PRELID2: variants seen among roughly 807,000 people sequenced by gnomAD.
PRELID2 encodes PRELI domain-containing protein 2.
Under a neutral mutation model 28.4 loss-of-function variants are expected in PRELID2, and 25 were observed. That is an observed-to-expected ratio of 0.88 (90% CI 0.64 to 1.23). The LOEUF (loss-of-function observed/expected upper bound fraction) is 1.23. Ranked by LOEUF, PRELID2 falls within the 50% of genes most tolerant of loss-of-function variation. The pLI is 0.00. For synonymous variants in PRELID2, 76 were observed against 71.6 expected, an observed-to-expected ratio of 1.06 and a Z score of -0.31; for missense variants, 201 against 214.4, an observed-to-expected ratio of 0.94 and a Z score of 0.39.
At chr5:145,239,633 C>A in the PRELID2 span, among the ~76,000 whole-genome samples, 1 of 151,968 alleles carries the variant, frequency 6.6e-6, no homozygotes, top group East Asian at 1.9e-4. Flanking sequence ...CAAATATACA[C>A]CATGAAAAAT....
chr5:145,640,014 A>G (rs966021293), intron 1 of PRELID2, among the ~76,000 whole-genome samples: 4 of 152,026 alleles, frequency 2.6e-5, no homozygotes, highest in South Asian at 2.1e-4. Context: ...AGGTCTGTAT[A>G]TTGGCATTTG....
chr5:145,561,765 T>C (rs927237224), intron 1 of PRELID2, among the ~76,000 whole-genome samples: 2 of 152,186 alleles, frequency 1.3e-5, no homozygotes, highest in Admixed American at 1.3e-4. Context: ...TATAATAAGA[T>C]TTAAATTCAA....
At chr5:145,713,621 A>AG (rs1755762978) in intron 1 of PRELID2, among the ~76,000 whole-genome samples, 3 of 142,668 alleles carry the variant, frequency 2.1e-5, no homozygotes, top group South Asian at 2.2e-4. Context: ...TATATAGTAA[A>AG]TATATAATAT....
intron 4 of PRELID2, among the ~76,000 whole-genome samples, chr5:145,805,145 G>C (rs1753410759): frequency 1.3e-5 from 2 of 152,166 alleles, no homozygotes; most frequent in African/African-American, 4.8e-5. Context: ...TGTTTCCTAA[G>C]AGCAGAAAAT....
At chr5:145,806,028 G>A (rs974872380) in intron 4 of PRELID2, among the ~76,000 whole-genome samples, 1 of 152,214 alleles carries the variant, frequency 6.6e-6, no homozygotes, top group African/African-American at 2.4e-5. Flanking sequence ...CAGTGAGTGA[G>A]TGGTGAGTCA....
intron 1 of PRELID2, chr5:145,728,544 T>G: frequency 1.3e-6 from 1 of 788,820 alleles, no homozygotes; most frequent in Non-Finnish European, 2.2e-6. Flanking sequence ...CACATCAGCA[T>G]CATCCTCAAT....
At chr5:145,633,754 C>T (rs991295294) in intron 1 of PRELID2, among the ~76,000 whole-genome samples, 12 of 152,188 alleles carry the variant, frequency 7.9e-5, no homozygotes, top group South Asian at 2.1e-4. Flanking sequence ...GCTGGCTTTA[C>T]GTCTCATTAG....
chr5:145,796,481 T>C lies in PRELID2; in HGVS notation c.435A>G (p.Glu145=), dbSNP rs781142018. The change falls in exon 5 of 7, where the codon GAA becomes GAG. Residue 145 remains glutamate (E), a synonymous_variant. Coordinates refer to ENST00000683046, the MANE Select transcript of PRELID2 (RefSeq NM_205846.3). The part of the protein sequence containing the change: ...TGVGFLNCVL[E]TFASTFLRQG... ...GTCGTAAGAATGTGCTGGCAAAAGT[T>C]TCTAAAACACAGTTGAGAAATCCAA... The C allele has an allele frequency of 2.5e-6, 4 of 1,610,836 alleles. No homozygotes were observed. In the African/African-American group the frequency reaches 5.3e-5, roughly 22 times the overall value.
At chr5:145,385,017 T>C in the PRELID2 span, among the ~76,000 whole-genome samples, 1 of 152,154 alleles carries the variant, frequency 6.6e-6, no homozygotes. Flanking sequence ...TAGTTTCTGA[T>C]GACTGGAAGG....
chr5:145,321,209 T>C, the PRELID2 span, among the ~76,000 whole-genome samples: 2 of 152,196 alleles, frequency 1.3e-5, no homozygotes, highest in Admixed American at 6.5e-5. Context: ...ATGATTATTA[T>C]AAAATTTAAG....
At chr5:145,406,671 G>A in the PRELID2 span, among the ~76,000 whole-genome samples, 4 of 152,252 alleles carry the variant, frequency 2.6e-5, no homozygotes, top group Admixed American at 2.6e-4. Context: ...AACATACCAG[G>A]AAAACCAAAA....
chr5:145,401,404 A>G, the PRELID2 span, among the ~76,000 whole-genome samples: 1 of 152,158 alleles, frequency 6.6e-6, no homozygotes, highest in African/African-American at 2.4e-5. Flanking sequence ...GTATTTTCAT[A>G]GAATCATCTA....
chr5:145,420,928 A>C, the PRELID2 span, among the ~76,000 whole-genome samples: 1 of 112,566 alleles, frequency 8.9e-6, no homozygotes, highest in African/African-American at 3.5e-5. Flanking sequence ...ATTTATTGAG[A>C]GTTTTTAGCA....
At chr5:145,774,241 C>A (rs751130979) in intron 5 of PRELID2, among the ~76,000 whole-genome samples, 2 of 152,140 alleles carry the variant, frequency 1.3e-5, no homozygotes, top group African/African-American at 2.4e-5. Flanking sequence ...AACTCAGCCT[C>A]GGAGAGGTAA....
chr5:145,625,352 A>G (rs779826697), intron 1 of PRELID2, among the ~76,000 whole-genome samples: 4 of 152,142 alleles, frequency 2.6e-5, no homozygotes, highest in Non-Finnish European at 5.9e-5. Context: ...TATTTACTAC[A>G]TATTTATATA....
At chr5:145,742,139 T>TA (rs574511696) in intron 1 of PRELID2, among the ~76,000 whole-genome samples, 3 of 5,644 alleles carry the variant, frequency 5.3e-4, no homozygotes, top group East Asian at 0.013. Flanking sequence ...TATAAATAAA[T>TA]AAATTTATTT....
chr5:145,338,495 T>G, the PRELID2 span: 3 of 152,140 alleles, frequency 2.0e-5, no homozygotes, highest in Non-Finnish European at 4.4e-5. Context: ...CTCCTGTGAC[T>G]CATTTCTGAC....
chr5:145,372,940 AATAT>A, the PRELID2 span, among the ~76,000 whole-genome samples: 3 of 59,404 alleles, frequency 5.1e-5, no homozygotes, highest in South Asian at 8.2e-4. Flanking sequence ...CAACATATAT[AATAT>A]ATATGATATT....
chr5:145,781,366 C>A (rs1284732821), intron 5 of PRELID2, among the ~76,000 whole-genome samples: 1 of 152,014 alleles, frequency 6.6e-6, no homozygotes, highest in Non-Finnish European at 1.5e-5. Context: ...CTGTATTAGT[C>A]CCTCAGCTGA....
Sources: allele counts gnomAD v4.1 joint callset (sites outside exome capture counted in the v4.1 genomes callset), GRCh38; gene constraint gnomAD v4.1.1; transcripts MANE v1.5; gene names NCBI Gene and HGNC (gene_info 2026-07-23, HGNC 2026-07-21).